MAN1A1: variants seen among roughly 807,000 people sequenced by gnomAD.
MAN1A1 encodes the protein mannosidase alpha class 1A member 1.
A neutral mutation model predicts 70.8 loss-of-function variants in MAN1A1; 29 were observed. That is an observed-to-expected ratio of 0.41 (90% CI 0.31 to 0.56). The LOEUF is 0.56. Among genes scored for constraint, MAN1A1 ranks in the 20% least tolerant of loss-of-function variants. The pLI is 0.29. For missense variants in MAN1A1, 747 were observed against 841.3 expected (o/e 0.89, Z 1.39); for synonymous variants, 349 against 330.1 (o/e 1.06, Z -0.62).
intron 5 of MAN1A1, among the ~76,000 whole-genome samples, chr6:119,253,826 C>T (rs1262263871): frequency 2.6e-5 from 4 of 152,156 alleles, no homozygotes; most frequent in South Asian, 2.1e-4. Flanking sequence ...TGCTCCATCC[C>T]GTTCCACTAG....
Position 119,322,399 on chromosome 6 carries a change from A to T in MAN1A1, c.604-15407T>A, listed in dbSNP as rs561955941. ...ATATGCCTTGCCAGTATTCTTTGGA[A>T]TCCAGACTCAGATCTCCGTTCTATT... On this transcript the variant is annotated intron_variant, in intron 2 of 12. Coordinates refer to ENST00000368468, the MANE Select transcript of MAN1A1 (RefSeq NM_005907.4). 4.6e-5 allele frequency among the ~76,000 whole-genome samples: 7 copies of T among 152,272 alleles called. No individual in the cohort carries two copies. The South Asian group carries it at 1.5e-3, about 32-fold the overall frequency.
intron 5 of MAN1A1, among the ~76,000 whole-genome samples, chr6:119,285,291 C>G (rs1004351422): frequency 2.0e-5 from 3 of 151,920 alleles, no homozygotes; most frequent in African/African-American, 7.3e-5. Context: ...TTCTTTTTAA[C>G]AACCAGACCT....
chr6:119,293,987 G>C (rs1258208388), intron 4 of MAN1A1, among the ~76,000 whole-genome samples: 1 of 152,078 alleles, frequency 6.6e-6, no homozygotes, highest in Non-Finnish European at 1.5e-5. Context: ...GCACTCATCA[G>C]ACACTCAATA....
intron 2 of MAN1A1, among the ~76,000 whole-genome samples, chr6:119,331,278 C>A (rs1773302064): frequency 6.6e-6 from 1 of 151,980 alleles, no homozygotes; most frequent in South Asian, 2.1e-4. Flanking sequence ...TGGTGATATA[C>A]CTCACTGTGA....
chr6:119,193,835 C>A lies in MAN1A1; in HGVS notation c.1268G>T (p.Trp423Leu), dbSNP rs762291172. The A allele has an allele frequency of 1.2e-6, 2 of 1,613,698 alleles. No individual in the cohort carries two copies. Among genetic ancestry groups the A allele is most frequent in the East Asian group, 2.2e-5 (1 of 44,810 alleles). ...CAGATCTGTCTTGTCAGACATTAACCAGGCCTTCAGCAAATACTCATAGAA... is the reference window on the plus strand; with the variant it reads ...CAGATCTGTCTTGTCAGACATTAACAAGGCCTTCAGCAAATACTCATAGAA... ...DSFYEYLLKA[W>L]LMSDKTDLEA... Residue 423 changes from tryptophan (W) to leucine (L), a missense_variant, in exon 9 of 13, where the codon TGG becomes TTG. Trp to Leu is a moderately conservative substitution (Grantham distance 61). Coordinates refer to ENST00000368468, the MANE Select transcript of MAN1A1 (RefSeq NM_005907.4).
intron 6 of MAN1A1, among the ~76,000 whole-genome samples, chr6:119,239,203 T>C (rs1402761959): frequency 1.3e-5 from 2 of 152,204 alleles, no homozygotes; most frequent in Non-Finnish European, 2.9e-5. Flanking sequence ...TATTAAAAGA[T>C]GAATAAAGGA....
chr6:119,197,889 A>G (rs1276887828), intron 8 of MAN1A1, among the ~76,000 whole-genome samples: 4 of 152,116 alleles, frequency 2.6e-5, no homozygotes, highest in African/African-American at 9.7e-5. Flanking sequence ...AATACATAGC[A>G]TACAGGTGAC....
At chr6:119,344,992 C>A (rs1268635524) in intron 2 of MAN1A1, among the ~76,000 whole-genome samples, 1 of 152,108 alleles carries the variant, frequency 6.6e-6, no homozygotes, top group Non-Finnish European at 1.5e-5. Flanking sequence ...TACCCCTAAC[C>A]CCCACTTAGG....
At chr6:119,198,864 T>C (rs913317807) in intron 8 of MAN1A1, among the ~76,000 whole-genome samples, 2 of 152,210 alleles carry the variant, frequency 1.3e-5, no homozygotes, top group African/African-American at 4.8e-5. Context: ...TTTCACACAA[T>C]TGTGGATATT....
chr6:119,331,593 AT>A (rs1395389703), intron 2 of MAN1A1, among the ~76,000 whole-genome samples: 6 of 147,328 alleles, frequency 4.1e-5, no homozygotes, highest in Non-Finnish European at 6.0e-5. Flanking sequence ...ATATATATAT[AT>A]ATATAATCAA....
chr6:119,201,216 C>G, intron 8 of MAN1A1, 38 bp downstream of exon 8: 2 of 1,455,334 alleles, frequency 1.4e-6, no homozygotes, highest in Non-Finnish European at 1.9e-6. Flanking sequence ...GAGTACAGTA[C>G]CAAAAAGAGC....
intron 2 of MAN1A1, among the ~76,000 whole-genome samples, chr6:119,330,427 A>G (rs1773277461): frequency 3.3e-5 from 5 of 152,118 alleles, no homozygotes; most frequent in Admixed American, 2.6e-4. Context: ...ACAAAGTTCT[A>G]TAAATTCCGG....
chr6:119,281,551 C>T (rs1050011046), intron 5 of MAN1A1, among the ~76,000 whole-genome samples: 3 of 152,146 alleles, frequency 2.0e-5, no homozygotes, highest in Admixed American at 1.3e-4. Flanking sequence ...CTAGAAATGA[C>T]CTAGATGGCA....
intron 6 of MAN1A1, among the ~76,000 whole-genome samples, chr6:119,219,848 G>T (rs914931765): frequency 6.6e-6 from 1 of 151,676 alleles, no homozygotes; most frequent in African/African-American, 2.4e-5. Context: ...GGTAATAAAA[G>T]TATTTCTAAT....
chr6:119,237,197 A>G (rs1774868928), intron 6 of MAN1A1, among the ~76,000 whole-genome samples: 1 of 152,238 alleles, frequency 6.6e-6, no homozygotes, highest in Non-Finnish European at 1.5e-5. Context: ...CAAAGGATTA[A>G]GAATGTTACA....
intron 6 of MAN1A1, among the ~76,000 whole-genome samples, chr6:119,230,527 C>T (rs551765337): frequency 9.9e-5 from 15 of 152,072 alleles, no homozygotes; most frequent in Non-Finnish European, 1.8e-4. Flanking sequence ...ACCATCCACT[C>T]TCTTCTCTTC....
intron 6 of MAN1A1, among the ~76,000 whole-genome samples, chr6:119,243,717 G>C (rs1248536621): frequency 3.3e-5 from 5 of 152,004 alleles, no homozygotes; most frequent in Admixed American, 3.3e-4. Context: ...AATATAAACT[G>C]TAATGTAACC....
At chr6:119,293,942 C>T (rs1291585700) in intron 4 of MAN1A1, among the ~76,000 whole-genome samples, 2 of 152,038 alleles carry the variant, frequency 1.3e-5, no homozygotes, top group Admixed American at 1.3e-4. Context: ...TGAATTCCTC[C>T]ATGATGTAAA....
chr6:119,290,193 T>C (rs993921889), intron 5 of MAN1A1, among the ~76,000 whole-genome samples: 3 of 152,018 alleles, frequency 2.0e-5, no homozygotes, highest in African/African-American at 4.8e-5. Flanking sequence ...AAGCACTTGA[T>C]ACAGGGATGC....
Sources: gnomAD v4.1 joint callset for allele counts (sites outside exome capture counted in the v4.1 genomes callset) on GRCh38, gnomAD v4.1.1 for gene constraint, MANE v1.5 for transcripts, NCBI Gene and HGNC (gene_info 2026-07-23, HGNC 2026-07-21) for gene names.